The following SH3RF2 variants were observed in gnomAD, a reference collection of about 807,000 sequenced individuals.
SH3RF2 encodes the protein SH3 domain containing ring finger 2.
SH3RF2 carries 43 observed loss-of-function variants against 59.0 expected under a neutral mutation model. The observed-to-expected ratio is 0.73, with a 90% CI of 0.57 to 0.94. SH3RF2 has a LOEUF of 0.94. Ranked by LOEUF, SH3RF2 falls within the 40% of genes least tolerant of loss-of-function variation. The pLI is 0.00. For synonymous variants in SH3RF2, 391 were observed against 391.5 expected, an observed-to-expected ratio of 1.00 and a Z score of 0.01; for missense variants, 930 against 940.1, an observed-to-expected ratio of 0.99 and a Z score of 0.14.
intron 5 of SH3RF2, among the ~76,000 whole-genome samples, chr5:146,022,424 T>C (rs1018450459): frequency 1.3e-5 from 2 of 152,198 alleles, no homozygotes; most frequent in South Asian, 2.1e-4. Context: ...GCCAGGTTTG[T>C]CTTAAACTCC....
intron 5 of SH3RF2, among the ~76,000 whole-genome samples, chr5:146,038,400 C>T (rs1483548976): frequency 7.9e-5 from 12 of 152,072 alleles, no homozygotes; most frequent in Non-Finnish European, 1.6e-4. Context: ...TCATTATTTG[C>T]AGATGATACT....
intron 5 of SH3RF2, among the ~76,000 whole-genome samples, chr5:146,035,460 C>T (rs1457579623): frequency 1.3e-5 from 2 of 151,858 alleles, no homozygotes; most frequent in Non-Finnish European, 2.9e-5. Flanking sequence ...AGGAAAAAAG[C>T]GTCCCTAAAC....
chr5:146,009,025 C>T (rs1322868936), intron 4 of SH3RF2, among the ~76,000 whole-genome samples: 2 of 152,194 alleles, frequency 1.3e-5, no homozygotes, highest in African/African-American at 2.4e-5. Flanking sequence ...TGTTCATTCA[C>T]CTCGTGAAAG....
chr5:146,014,962 A>T (rs772239690), intron 5 of SH3RF2, among the ~76,000 whole-genome samples: 14 of 152,160 alleles, frequency 9.2e-5, no homozygotes, highest in South Asian at 2.1e-4. Flanking sequence ...AATTAAGAAG[A>T]GCTGCATGTT....
chr5:146,049,007 C>T, intron 6 of SH3RF2, 68 bp from the exon 7 acceptor site: 1 of 1,570,836 alleles, frequency 6.4e-7, no homozygotes, highest in Middle Eastern at 1.7e-4. Flanking sequence ...CTCCACCATT[C>T]CCCCACTCCA....
chr5:145,961,173 CCTT>C (rs1351459096), intron 2 of SH3RF2, among the ~76,000 whole-genome samples: 1 of 128,466 alleles, frequency 7.8e-6, no homozygotes, highest in Non-Finnish European at 1.5e-5. Flanking sequence ...CCTGCATCCT[CCTT>C]TTTTTTTTTT....
At chr5:145,989,230 C>A (rs1177498980) in intron 2 of SH3RF2, among the ~76,000 whole-genome samples, 2 of 152,166 alleles carry the variant, frequency 1.3e-5, no homozygotes, top group African/African-American at 2.4e-5. Context: ...GAGTATGGAA[C>A]CTTTGTGTAA....
intron 2 of SH3RF2, among the ~76,000 whole-genome samples, chr5:145,966,399 T>A (rs1376979618): frequency 2.0e-5 from 3 of 152,124 alleles, no homozygotes; most frequent in South Asian, 4.1e-4. Context: ...GTTGTGAGAA[T>A]AAAGGGAGAC....
At chr5:146,068,679 A>G (rs993307379) in intron 9 of SH3RF2, among the ~76,000 whole-genome samples, 4 of 152,324 alleles carry the variant, frequency 2.6e-5, no homozygotes, top group African/African-American at 9.6e-5. Context: ...ACTGTTTTCC[A>G]GGCCTAGATT....
chr5:146,024,013 T>C (rs1228583070), intron 5 of SH3RF2, among the ~76,000 whole-genome samples: 1 of 152,254 alleles, frequency 6.6e-6, no homozygotes, highest in African/African-American at 2.4e-5. Flanking sequence ...CATCAATGAA[T>C]GAGCGTTTGG....
chr5:145,964,034 G>A (rs1464520652), intron 2 of SH3RF2, among the ~76,000 whole-genome samples: 8 of 151,302 alleles, frequency 5.3e-5, no homozygotes, highest in East Asian at 2.0e-4. Flanking sequence ...GGGTTTCACC[G>A]TGTTAGACAG....
At chr5:146,066,991 C>T (rs1763122550), downstream of SH3RF2, among the ~76,000 whole-genome samples, 1 of 151,982 alleles carries the variant, frequency 6.6e-6, no homozygotes, top group Admixed American at 6.6e-5. Flanking sequence ...CGGGTCATGC[C>T]CAGCTGGGGA....
chr5:145,937,787 A>AT, intron 1 of SH3RF2, 36 bp from the exon 2 acceptor site: 1 of 944,016 alleles, frequency 1.1e-6, no homozygotes, highest in Admixed American at 2.3e-5. Flanking sequence ...CGGAGCAGTC[A>AT]CATTTTTTTT....
chr5:145,947,521 T>A (rs187410094), intron 2 of SH3RF2, among the ~76,000 whole-genome samples: 32 of 152,304 alleles, frequency 2.1e-4, no homozygotes, highest in Non-Finnish European at 3.4e-4. Flanking sequence ...TGATTAGCTA[T>A]CTCCTTGTAC....
chr5:145,980,742 C>T (rs1759475897), intron 2 of SH3RF2, among the ~76,000 whole-genome samples: 1 of 152,130 alleles, frequency 6.6e-6, no homozygotes, highest in African/African-American at 2.4e-5. Flanking sequence ...TACTCTTACA[C>T]CAACATTAGG....
At chr5:146,063,554 C>A (rs1762972097), downstream of SH3RF2, among the ~76,000 whole-genome samples, 1 of 152,204 alleles carries the variant, frequency 6.6e-6, no homozygotes, top group South Asian at 2.1e-4. Context: ...GATATATAGT[C>A]TGACTTCAAG....
At chr5:146,033,807 G>C (rs146535102) in intron 5 of SH3RF2, among the ~76,000 whole-genome samples, 3 of 152,062 alleles carry the variant, frequency 2.0e-5, no homozygotes, top group Non-Finnish European at 4.4e-5. Context: ...TGACACCCAC[G>C]TTTTGTGGAA....
chr5:146,048,738 C>T (rs893728223), intron 6 of SH3RF2, among the ~76,000 whole-genome samples: 10 of 152,256 alleles, frequency 6.6e-5, no homozygotes, highest in African/African-American at 2.2e-4. Context: ...CCTCCACAGC[C>T]TCATCAGTCC....
rs143875513 is a variant in SH3RF2 at position 146,049,380 on chromosome 5, G to A, written c.1322+135G>A. On this transcript the variant is annotated intron_variant, in intron 7 of 9. Coordinates refer to ENST00000359120, the MANE Select transcript of SH3RF2 (RefSeq NM_152550.4). The stretch of plus-strand genomic sequence containing the variant: ...GAAAGCGCTTTTTGCTCTATAACCC[G>A]CCTATCTCTTTTAAAACAAAATAGC... The A allele has an allele frequency of 4.1e-4, 404 of 979,272 alleles. 5 individuals are homozygous for A. The East Asian group carries it at 9.9e-3, about 24-fold the overall frequency. 60.7% of individuals were successfully genotyped at this position (979,272 alleles called of 1,614,324 possible).
Sources: gnomAD v4.1 joint callset for allele counts (sites outside exome capture counted in the v4.1 genomes callset) on GRCh38, gnomAD v4.1.1 for gene constraint, MANE v1.5 for transcripts, NCBI Gene and HGNC (gene_info 2026-07-23, HGNC 2026-07-21) for gene names.